SPTBN5: variants seen among roughly 807,000 people sequenced by gnomAD.
SPTBN5 encodes spectrin beta, non-erythrocytic 5.
SPTBN5 carries 513 observed loss-of-function variants against 477.6 expected under a neutral mutation model. The ratio of observed to expected loss-of-function variants is 1.07; its 90% CI spans 1.00 to 1.16. The LOEUF (loss-of-function observed/expected upper bound fraction) is 1.16, where lower values mean the gene tolerates loss of function less well. SPTBN5 is among the 50% of genes most tolerant of loss of function. SPTBN5 has a pLI of 0.00. For missense variants in SPTBN5, 5,062 were observed against 4,731.8 expected (o/e 1.07, Z -2.05); for synonymous variants, 2,169 against 2,011.7 (o/e 1.08, Z -2.09).
rs2065697536 is a variant in SPTBN5, at chr15:41,849,981, ACT to A, written c.10922-24_10922-23del. On this transcript the variant is annotated intron_variant, in intron 66 of 67. Coordinates refer to ENST00000320955, the MANE Select transcript of SPTBN5 (RefSeq NM_016642.4). ...TGGGCTGCAGAGCAAGGGAATAACC[ACT>A]GTTAGCCCGGCCCAGACCATCTGCA... 3 of 1,560,242 alleles carry A rather than the reference ACT, an allele frequency of 1.9e-6. No homozygotes were observed. The East Asian group carries it at 7.1e-5, about 37-fold the overall frequency.
chr15:41,851,165 G>C lies in SPTBN5; in HGVS notation c.10744-15C>G, dbSNP rs1029269598. On this transcript the variant is annotated splice_polypyrimidine_tract_variant and intron_variant, in intron 64 of 67. Coordinates refer to ENST00000320955, the MANE Select transcript of SPTBN5 (RefSeq NM_016642.4). ...GAAGCTACTTTCTGAGGAGAGATGA[G>C]AGGCAGGGGTCACTGCGGCCATCTC... 6.2e-7 allele frequency: 1 copy of C among 1,610,740 alleles called. No homozygotes were observed. The highest frequency in any genetic ancestry group is 1.1e-5 in the South Asian group (1 of 90,492).
intron 5 of SPTBN5, 76 bp downstream of exon 5, chr15:41,887,852 C>T (rs934225996): frequency 1.9e-5 from 27 of 1,434,552 alleles, no homozygotes; most frequent in Middle Eastern, 1.8e-4. Flanking sequence ...TGTGGGAGAA[C>T]GGGTGGGCTG....
At chr15:41,861,350 C>T in intron 46 of SPTBN5, 69 bp downstream of exon 46, 2 of 1,397,920 alleles carry the variant, frequency 1.4e-6, no homozygotes, top group Non-Finnish European at 2.0e-6. Context: ...TCAGGCAGCA[C>T]TGGCTGGTTT....
intron 39 of SPTBN5, among the ~76,000 whole-genome samples, chr15:41,865,110 A>G (rs1035085690): frequency 2.1e-4 from 32 of 152,192 alleles, no homozygotes; most frequent in African/African-American, 7.5e-4. Context: ...TAATACATAC[A>G]TGTACCGGGG....
At position 41,876,865 on chromosome 15, in the gene SPTBN5, C is replaced by A. The variant is rs1335186365; in HGVS notation, c.3795G>T (p.Glu1265Asp). Reference protein sequence around the residue: ...RLLSTLGPRAEALRAHGEKLV... With the variant: ...RLLSTLGPRADALRAHGEKLV... ...GCTTCTCGCCGTGTGCCCGCAGAGC[C>A]TCTGCCCGAGGCCCCAGGGTGCTCA... Residue 1265 changes from glutamate to aspartate, a missense_variant, in exon 19 of 68, where the codon GAG (glutamate) becomes GAT (aspartate). Physicochemically the swap from Glu to Asp is conservative, Grantham distance 45. Coordinates refer to ENST00000320955, the MANE Select transcript of SPTBN5 (RefSeq NM_016642.4). The A allele has an allele frequency of 6.2e-7, 1 of 1,610,510 alleles. No individual in the cohort carries two copies. Among genetic ancestry groups the A allele is most frequent in the African/African-American group, 1.3e-5 (1 of 74,868 alleles).
chr15:41,855,114 C>T, intron 55 of SPTBN5, 110 bp downstream of exon 55: 1 of 1,436,944 alleles, frequency 7.0e-7, no homozygotes, highest in African/African-American at 1.4e-5. Flanking sequence ...CTCCCTAGGA[C>T]ACCCTCTCCA....
chr15:41,849,693 G>A (rs2065684622), intron 67 of SPTBN5, among the ~76,000 whole-genome samples, 176 bp downstream of exon 67: 1 of 152,314 alleles, frequency 6.6e-6, no homozygotes, highest in Non-Finnish European at 1.5e-5. Context: ...TGGGCTTTGT[G>A]GCCTGGATTC....
At chr15:41,857,856 C>T (rs1442744049) in intron 49 of SPTBN5, 146 bp from the exon 50 acceptor site, 1 of 907,734 alleles carries the variant, frequency 1.1e-6, no homozygotes, top group South Asian at 1.8e-5. Flanking sequence ...ACCTAAGCCT[C>T]ATTTTCCTCA....
In SPTBN5 at chr15:41,861,746, G is replaced by A. The variant is rs1427828083; in HGVS notation, c.7726C>T (p.Leu2576=). Residue 2576 remains leucine, a synonymous_variant, in exon 45 of 68, where the codon CTG becomes TTG. Coordinates refer to ENST00000320955, the MANE Select transcript of SPTBN5 (RefSeq NM_016642.4). The part of the protein sequence containing the change: ...QEHQLQLQQA[L]ELQLFLSSVE... ...GGGACTGTGCCTGCCTGTAGCTCCAGGGCCTGCTGCAGCTGTAGCTGATGC... is the reference window on the plus strand; with the variant it reads ...GGGACTGTGCCTGCCTGTAGCTCCAAGGCCTGCTGCAGCTGTAGCTGATGC... The A allele has an allele frequency of 6.5e-7, 1 of 1,546,672 alleles. No individual in the cohort carries two copies. Among genetic ancestry groups the A allele is most frequent in the Non-Finnish European group, 8.7e-7 (1 of 1,149,858 alleles).
At position 41,864,091 on chromosome 15, in the gene SPTBN5, A is replaced by G; in HGVS notation, c.6919-67T>C. The stretch of plus-strand genomic sequence containing the variant: ...CAGAGCCCCTTCTTCCCACCTCAGC[A>G]GGCACTGAAAGCATGCCTGGGCCCC... On this transcript the variant is annotated intron_variant, in intron 39 of 67. Transcript: ENST00000320955. The G allele has an allele frequency of 1.4e-6, 2 of 1,383,768 alleles. 1 individual carries two copies. Among genetic ancestry groups the G allele is most frequent in the Non-Finnish European group, 2.0e-6 (2 of 1,002,828 alleles). The allele number at this position is 1,383,768 out of a possible 1,614,324, so 85.7% of individuals were successfully genotyped here.
chr15:41,870,308 C>T lies in SPTBN5; in HGVS notation c.5608G>A (p.Gly1870Arg). 6.4e-7 allele frequency: 1 copy of T among 1,562,032 alleles called. No homozygotes were observed. The highest frequency in any genetic ancestry group is 8.7e-7 in the Non-Finnish European group (1 of 1,153,320). The change falls in exon 31 of 68, where the codon GGG becomes AGG. Residue 1870 changes from glycine (G) to arginine (R), a missense_variant. By Grantham distance (125) the Gly-to-Arg change is moderately radical (BLOSUM62 -2). Coordinates refer to ENST00000320955, the MANE Select transcript of SPTBN5 (RefSeq NM_016642.4). ...TGGCTTCTCAGCTGCGCCTCCAGCCCACACAGGTCCCGTGCCACATTGTTG... is the reference window on the plus strand; with the variant it reads ...TGGCTTCTCAGCTGCGCCTCCAGCCTACACAGGTCCCGTGCCACATTGTTG... ...LPNNVARDLC[G>R]LEAQLRSHQG...
chr15:41,852,876 G>A lies in SPTBN5; in HGVS notation c.10295C>T (p.Ala3432Val). 5 of 1,607,882 alleles carry A rather than the reference G, an allele frequency of 3.1e-6. No homozygotes were observed. The highest frequency in any genetic ancestry group is 4.2e-6 in the Non-Finnish European group (5 of 1,176,638). ...CTCCCAGCAGGCCAGCCAGGCCTCA[G>A]CCTGCTCCAGCCTCTGCCGAAGCTT... is the stretch of plus-strand genomic sequence containing the variant. The part of the protein sequence containing the change: ...LQKLRQRLEQ[A>V]EAWLACWEGL... The change falls in exon 60 of 68, where the codon GCT becomes GTT. Residue 3432 changes from alanine (A) to valine (V), a missense_variant. Transcript: ENST00000320955.
intron 26 of SPTBN5, 56 bp downstream of exon 26, chr15:41,873,436 C>T: frequency 7.5e-7 from 1 of 1,329,736 alleles, no homozygotes; most frequent in Non-Finnish European, 1.1e-6. Flanking sequence ...ACAGCCCTCT[C>T]CCCGTGGTCC....
chr15:41,853,128 C>T, intron 59 of SPTBN5, 128 bp from the exon 60 acceptor site: 1 of 1,449,774 alleles, frequency 6.9e-7, no homozygotes, highest in Non-Finnish European at 9.2e-7. Context: ...CTGCCCCTTC[C>T]CAGCCTCTCT....
intron 53 of SPTBN5, 87 bp from the exon 54 acceptor site, chr15:41,855,832 A>G: frequency 7.3e-7 from 1 of 1,372,988 alleles, no homozygotes; most frequent in African/African-American, 1.5e-5. Context: ...CTGGCTGCAC[A>G]GGGGAATCAC....
At chr15:41,853,860 A>T in intron 57 of SPTBN5, 73 bp from the exon 58 acceptor site, 1 of 1,454,176 alleles carries the variant, frequency 6.9e-7, no homozygotes, top group Non-Finnish European at 9.2e-7. Flanking sequence ...CAGGAGCACC[A>T]GGCCTCTCTG....
At chr15:41,878,316 C>T (rs762680866) in intron 17 of SPTBN5, 26 bp downstream of exon 17, 4 of 1,606,592 alleles carry the variant, frequency 2.5e-6, no homozygotes, top group Non-Finnish European at 3.4e-6. Context: ...GCCCAAAGTG[C>T]ACCCCTTCTG....
intron 39 of SPTBN5, among the ~76,000 whole-genome samples, chr15:41,864,837 G>A (rs536341366): frequency 6.6e-6 from 1 of 152,364 alleles, no homozygotes; most frequent in South Asian, 2.1e-4. Flanking sequence ...TCTGGCTTCT[G>A]TAGAGCTTGT....
chr15:41,851,460 C>G (rs1488777249), intron 63 of SPTBN5, 91 bp from the exon 64 acceptor site: 5 of 967,680 alleles, frequency 5.2e-6, no homozygotes, highest in African/African-American at 4.9e-5. Context: ...GTGGAGCTTC[C>G]CAGGAAAAGC....
Sources: gnomAD v4.1 joint callset for allele counts (sites outside exome capture counted in the v4.1 genomes callset) on GRCh38, gnomAD v4.1.1 for gene constraint, MANE v1.5 for transcripts, NCBI Gene and HGNC (gene_info 2026-07-23, HGNC 2026-07-21) for gene names.